The following KIF11 variants were observed in gnomAD, a reference collection of about 807,000 sequenced individuals.
KIF11 encodes kinesin-like protein KIF11.
In KIF11, 9 loss-of-function variants were observed where a neutral mutation model predicts 121.0. The ratio of observed to expected loss-of-function variants is 0.07; its 90% CI spans 0.04 to 0.13. The LOEUF (loss-of-function observed/expected upper bound fraction) is 0.13. KIF11 is among the 10% of genes least tolerant of loss of function. KIF11 has a pLI of 1.00. For missense variants in KIF11, 846 were observed against 1,217.5 expected, an observed-to-expected ratio of 0.69 and a Z score of 4.54; for synonymous variants, 408 against 421.0, an observed-to-expected ratio of 0.97 and a Z score of 0.38.
At chr10:92,597,554 C>T in intron 1 of KIF11, among the ~76,000 whole-genome samples, 1 of 151,794 alleles carries the variant, frequency 6.6e-6, no homozygotes, top group African/African-American at 2.4e-5. Context: ...TGTGAGCCCT[C>T]ATCTGGCCAG....
At chr10:92,652,351 G>A (rs1027342977) in intron 21 of KIF11, among the ~76,000 whole-genome samples, 1 of 152,042 alleles carries the variant, frequency 6.6e-6, no homozygotes, top group African/African-American at 2.4e-5. Context: ...TGTTGGTCAG[G>A]CTAATCTTGA....
chr10:92,632,447 C>T (rs536883835), intron 12 of KIF11, 39 bp from the exon 13 acceptor site: 19 of 1,246,122 alleles, frequency 1.5e-5, no homozygotes, highest in African/African-American at 3.0e-5. Flanking sequence ...TTCCTTTCAC[C>T]GTATCCATTT....
At chr10:92,604,191 T>C (rs1221114080) in intron 1 of KIF11, among the ~76,000 whole-genome samples, 1 of 152,218 alleles carries the variant, frequency 6.6e-6, no homozygotes, top group East Asian at 1.9e-4. Context: ...AACTAATGAC[T>C]TGGCAGTACT....
intron 8 of KIF11, among the ~76,000 whole-genome samples, chr10:92,615,335 G>C (rs1415372958): frequency 6.6e-6 from 1 of 151,992 alleles, no homozygotes; most frequent in African/African-American, 2.4e-5. Flanking sequence ...GAACCCAGGA[G>C]GTGGAGATTG....
At chr10:92,650,573 C>G in intron 21 of KIF11, 56 bp downstream of exon 21, 1 of 975,480 alleles carries the variant, frequency 1.0e-6, no homozygotes, top group Non-Finnish European at 1.7e-6. Flanking sequence ...ATTTACTATT[C>G]ATTATAAAGG....
intron 1 of KIF11, among the ~76,000 whole-genome samples, chr10:92,595,191 C>T (rs1038202157): frequency 6.6e-6 from 1 of 152,158 alleles, no homozygotes; most frequent in African/African-American, 2.4e-5. Flanking sequence ...TCTCAGGTAG[C>T]TGGGATTACA....
At chr10:92,597,637 G>GGTTGGTTT (rs776208526) in intron 1 of KIF11, among the ~76,000 whole-genome samples, 1 of 150,872 alleles carries the variant, frequency 6.6e-6, no homozygotes, top group African/African-American at 2.4e-5. Context: ...TTTTCCCTTG[G>GGTTGGTTT]GTTTGTTTGT....
At chr10:92,639,499 A>C (rs1373553891) in intron 16 of KIF11, among the ~76,000 whole-genome samples, 1 of 152,082 alleles carries the variant, frequency 6.6e-6, no homozygotes, top group Admixed American at 6.6e-5. Context: ...AGGCTGAGGA[A>C]GGAGGATCCC....
chr10:92,637,876 T>G (rs1265159656), intron 16 of KIF11, among the ~76,000 whole-genome samples: 8 of 152,214 alleles, frequency 5.3e-5, no homozygotes, highest in Non-Finnish European at 1.2e-4. Context: ...GTATCTACAT[T>G]AAAACCTGCT....
At chr10:92,602,886 G>A (rs1354551886) in intron 1 of KIF11, among the ~76,000 whole-genome samples, 4 of 145,604 alleles carry the variant, frequency 2.7e-5, no homozygotes, top group Non-Finnish European at 4.5e-5. Context: ...ACTGAGTTTC[G>A]CTCTTGTTGC....
At chr10:92,608,397 G>A (rs77882686) in intron 4 of KIF11, among the ~76,000 whole-genome samples, 5,168 of 151,752 alleles carry the variant, frequency 0.034, 134 homozygotes, top group Admixed American at 0.061. Context: ...TAGGAGATAT[G>A]GAATAGGCTT....
At chr10:92,630,420 T>A (rs1440747948) in intron 12 of KIF11, 56 bp downstream of exon 12, 17 of 1,069,458 alleles carry the variant, frequency 1.6e-5, no homozygotes, top group Non-Finnish European at 2.1e-5. Context: ...GTAGAAAAAA[T>A]TTTCTGTGCT....
At position 92,593,231 on chromosome 10, in the gene KIF11, C is replaced by G. The variant is rs942399029; in HGVS notation, c.-145C>G. On this transcript the variant is annotated 5_prime_UTR_variant, in exon 1 of 22. Coordinates refer to ENST00000260731, the MANE Select transcript of KIF11 (RefSeq NM_004523.4). ...GAGTACCGGGTAGAGAGCGGGGACG[C>G]CGACCTGCGTGCGTCGGTCCTCCAG... 2 of 710,810 alleles carry G rather than the reference C, an allele frequency of 2.8e-6. No homozygotes were observed. The highest frequency in any genetic ancestry group is 3.6e-5 in the African/African-American group (2 of 55,132). The allele number at this position is 710,810 out of a possible 1,614,324, so 44.0% of individuals were successfully genotyped here. A position where few individuals can be genotyped will look rare whatever the true frequency, so the allele number is the denominator to read the frequency against.
chr10:92,638,531 G>C (rs948030497), intron 16 of KIF11, among the ~76,000 whole-genome samples: 12 of 151,958 alleles, frequency 7.9e-5, no homozygotes, highest in African/African-American at 2.9e-4. Flanking sequence ...TTGCTGTTTT[G>C]AAATGCTTAA....
At chr10:92,598,628 A>T (rs1443363332) in intron 1 of KIF11, among the ~76,000 whole-genome samples, 7 of 152,206 alleles carry the variant, frequency 4.6e-5, no homozygotes, top group African/African-American at 1.7e-4. Flanking sequence ...TTTGTAAAAC[A>T]CGTCATTGGG....
intron 6 of KIF11, among the ~76,000 whole-genome samples, chr10:92,611,008 T>C (rs1049155442): frequency 1.3e-5 from 2 of 152,136 alleles, no homozygotes; most frequent in African/African-American, 4.8e-5. Flanking sequence ...TTCACTAAAG[T>C]ATAAAATTTC....
At chr10:92,597,814 G>C (rs913705299) in intron 1 of KIF11, among the ~76,000 whole-genome samples, 1 of 151,424 alleles carries the variant, frequency 6.6e-6, no homozygotes, top group African/African-American at 2.4e-5. Flanking sequence ...ACCACGCCTG[G>C]CTAATTTTGT....
intron 18 of KIF11, among the ~76,000 whole-genome samples, chr10:92,646,164 G>A (rs1844917230): frequency 6.6e-6 from 1 of 152,050 alleles, no homozygotes; most frequent in Non-Finnish European, 1.5e-5. Flanking sequence ...ATATTGGCCA[G>A]GCTGGTGTCA....
intron 16 of KIF11, among the ~76,000 whole-genome samples, chr10:92,639,501 G>A (rs933527748): frequency 6.6e-6 from 1 of 152,040 alleles, no homozygotes; most frequent in Admixed American, 6.6e-5. Flanking sequence ...GCTGAGGAAG[G>A]AGGATCCCTT....
Sources: gnomAD v4.1 joint callset for allele counts (sites outside exome capture counted in the v4.1 genomes callset) on GRCh38, gnomAD v4.1.1 for gene constraint, MANE v1.5 for transcripts, NCBI Gene and HGNC (gene_info 2026-07-23, HGNC 2026-07-21) for gene names.